The following RFX4 variants were observed in gnomAD, a reference collection of about 807,000 sequenced individuals.
RFX4 encodes transcription factor RFX4.
In RFX4, 10 loss-of-function variants were observed where a neutral mutation model predicts 95.0. The observed-to-expected ratio is 0.11, with a 90% confidence interval of 0.06 to 0.18. The LOEUF (loss-of-function observed/expected upper bound fraction) is 0.18. Among genes scored for constraint, RFX4 ranks in the 10% least tolerant of loss-of-function variants. The pLI is 1.00. For synonymous variants in RFX4, 321 were observed against 340.7 expected, an observed-to-expected ratio of 0.94 and a Z score of 0.64; for missense variants, 640 against 922.0, an observed-to-expected ratio of 0.69 and a Z score of 3.96.
intron 5 of RFX4, chr12:106,684,644 A>G (rs887783281): frequency 1.4e-6 from 2 of 1,411,254 alleles, no homozygotes; most frequent in Non-Finnish European, 1.9e-6. Flanking sequence ...GTGGTGTGTC[A>G]TAACTGTCAT....
At chr12:106,627,907 C>T (rs1208293056) in intron 2 of RFX4, among the ~76,000 whole-genome samples, 1 of 152,144 alleles carries the variant, frequency 6.6e-6, no homozygotes, top group Non-Finnish European at 1.5e-5. Context: ...TCAGGCAGCT[C>T]CTAGAGCTAG....
At chr12:106,740,257 A>T (rs575382085) in intron 15 of RFX4, among the ~76,000 whole-genome samples, 2 of 152,332 alleles carry the variant, frequency 1.3e-5, no homozygotes, top group East Asian at 3.9e-4. Flanking sequence ...TGAGGATGTA[A>T]CAAAGATAAC....
At position 106,761,351 on chromosome 12, in the gene RFX4, A is replaced by T; in HGVS notation, c.2090A>T (p.Asn697Ile). Residue 697 changes from asparagine to isoleucine, a missense_variant, in exon 18 of 18, where the codon AAC (asparagine) becomes ATC (isoleucine). Asn to Ile is a moderately radical substitution (Grantham distance 149). Transcript: ENST00000392842. ...TCTGTGCATTCTGCGAGGTACGGAA[A>T]CTCTAGTGACATGTATACACCTCTG... ...SPSVHSARYG[N>I]SSDMYTPLTT... 1.2e-6 allele frequency: 2 copies of T among 1,613,928 alleles called. No individual in the cohort carries two copies. Among genetic ancestry groups the T allele is most frequent in the Non-Finnish European group, 8.5e-7 (1 of 1,179,990 alleles).
At chr12:106,727,968 G>A (rs911439259) in intron 13 of RFX4, among the ~76,000 whole-genome samples, 5 of 152,148 alleles carry the variant, frequency 3.3e-5, no homozygotes, top group East Asian at 1.9e-4. Flanking sequence ...TCACTAACTC[G>A]AAAATATAAC....
chr12:106,662,152 A>G, intron 4 of RFX4: 2 of 401,256 alleles, frequency 5.0e-6, no homozygotes, highest in South Asian at 2.0e-5. Context: ...TGTCTTCCAA[A>G]GTGGCTGTAC....
In RFX4 at chr12:106,626,471, A is replaced by T. The variant is rs1377713727; in HGVS notation, c.131-12861A>T. On this transcript the variant is annotated intron_variant, in intron 2 of 17. Transcript: ENST00000392842. ...TTGAAGAATCATGGGAAATAGGGCT[A>T]GGAATGAGTTTGGGCCACATCACTG... Among the ~76,000 whole-genome samples the T allele has an allele frequency of 2.6e-5, 4 of 152,326 alleles. No individual in the cohort carries two copies. In the East Asian group the frequency reaches 7.7e-4, roughly 29 times the overall value.
At chr12:106,657,312 T>G (rs1174678551) in intron 4 of RFX4, among the ~76,000 whole-genome samples, 2 of 152,202 alleles carry the variant, frequency 1.3e-5, no homozygotes, top group East Asian at 3.9e-4. Context: ...TAGTAGTCTC[T>G]ACCCAGTTTG....
intron 3 of RFX4, among the ~76,000 whole-genome samples, chr12:106,648,751 A>C (rs893527223): frequency 6.6e-6 from 1 of 151,834 alleles, no homozygotes; most frequent in African/African-American, 2.4e-5. Flanking sequence ...TACATCGATC[A>C]TGCTGCCCCC....
intron 7 of RFX4, among the ~76,000 whole-genome samples, chr12:106,689,700 C>T (rs1371724337): frequency 1.3e-5 from 2 of 152,118 alleles, no homozygotes; most frequent in African/African-American, 4.8e-5. Flanking sequence ...GAAAAGCTTC[C>T]TTACATTTTG....
chr12:106,739,639 T>G (rs1468788688), intron 15 of RFX4, among the ~76,000 whole-genome samples: 1 of 152,166 alleles, frequency 6.6e-6, no homozygotes, highest in Non-Finnish European at 1.5e-5. Context: ...GAAAGGGAAA[T>G]GAAATAAATT....
intron 1 of RFX4, among the ~76,000 whole-genome samples, chr12:106,603,119 A>T (rs1266999405): frequency 2.0e-5 from 3 of 152,198 alleles, no homozygotes; most frequent in Non-Finnish European, 4.4e-5. Flanking sequence ...TGCAGGGATA[A>T]TCTAAGAGGT....
chr12:106,632,509 T>A (rs1428573893), intron 2 of RFX4, among the ~76,000 whole-genome samples: 1 of 152,166 alleles, frequency 6.6e-6, no homozygotes, highest in Admixed American at 6.5e-5. Context: ...ACCTAAAATG[T>A]GTTCTCCTAC....
At chr12:106,619,093 A>T (rs11113060) in intron 2 of RFX4, among the ~76,000 whole-genome samples, 48,279 of 152,014 alleles carry the variant, frequency 0.32, 8,207 homozygotes, top group African/African-American at 0.44. Flanking sequence ...ATCTTGTACA[A>T]GTGTTATACA....
rs2042369268 is a variant in RFX4, at chr12:106,720,174, C to A, written c.1233+120C>A. 2 of 809,304 alleles carry A rather than the reference C, an allele frequency of 2.5e-6. No individual in the cohort carries two copies. Among genetic ancestry groups the A allele is most frequent in the Admixed American group, 2.2e-5 (1 of 44,516 alleles). The allele number at this position is 809,304 out of a possible 1,614,324, so 50.1% of individuals were successfully genotyped here. ...TCTGAACAGGGTTTTGAGGAGAGGCCCCAGGAGGTGGAGGGGTCAGGAGGC... is the reference window on the plus strand; with the variant it reads ...TCTGAACAGGGTTTTGAGGAGAGGCACCAGGAGGTGGAGGGGTCAGGAGGC... On this transcript the variant is annotated intron_variant, in intron 12 of 17. Transcript: ENST00000392842. This position sits in a 1 kb window ranked among gnomAD's most constrained non-coding sequence, Gnocchi z 4.2.
Position 106,709,411 on chromosome 12 carries a change from G to A in RFX4, c.915G>A (p.Leu305=). 1.9e-6 allele frequency: 3 copies of A among 1,612,538 alleles called. No homozygotes were observed. The highest frequency in any genetic ancestry group is 2.7e-5 in the African/African-American group (2 of 74,880). ...CTCTCCACGACCTCCCAGAAAACTT[G>A]CGAAACATCAAGTTCGAATGTAAGT... ...KVALHDLPEN[L]RNIKFELSRR... The change falls in exon 9 of 18, where the codon TTG becomes TTA. Residue 305 remains leucine, a synonymous_variant. Transcript: ENST00000392842.
At chr12:106,716,219 A>C (rs1041559260) in intron 11 of RFX4, among the ~76,000 whole-genome samples, 4 of 152,102 alleles carry the variant, frequency 2.6e-5, no homozygotes, top group Non-Finnish European at 5.9e-5. Context: ...GCATCCCCCC[A>C]GCCCAATAAC....
At chr12:106,716,035 G>A (rs978517587) in intron 11 of RFX4, among the ~76,000 whole-genome samples, 6 of 152,212 alleles carry the variant, frequency 3.9e-5, no homozygotes, top group Middle Eastern at 3.4e-3. Flanking sequence ...TTCATGTCCC[G>A]GTGAACAAGG....
chr12:106,597,202 C>T (rs781144450), intron 1 of RFX4, among the ~76,000 whole-genome samples: 5 of 152,026 alleles, frequency 3.3e-5, no homozygotes, highest in Non-Finnish European at 7.4e-5. Context: ...ACTTAAGGAG[C>T]TTATATTATT....
At chr12:106,675,031 G>C (rs988158698) in intron 4 of RFX4, among the ~76,000 whole-genome samples, 3 of 152,344 alleles carry the variant, frequency 2.0e-5, no homozygotes, top group Admixed American at 6.5e-5. Context: ...GAGTGGCGGA[G>C]TTGGAGAAAT....
Sources: gnomAD v4.1 joint callset for allele counts (sites outside exome capture counted in the v4.1 genomes callset) on GRCh38, gnomAD v4.1.1 for gene constraint, Gnocchi (gnomAD v3.1) non-coding constraint, MANE v1.5 for transcripts, NCBI Gene and HGNC (gene_info 2026-07-23, HGNC 2026-07-21) for gene names.